The following KIAA1549L variants were observed in gnomAD, a reference collection of about 807,000 sequenced individuals.
KIAA1549L encodes the protein KIAA1549 like, also known as UPF0606 protein KIAA1549L.
In KIAA1549L, 88 loss-of-function variants were observed where a neutral mutation model predicts 160.7. That is an observed-to-expected ratio of 0.55 (90% CI 0.46 to 0.65). The LOEUF is 0.65. Among genes scored for constraint, KIAA1549L ranks in the 30% least tolerant of loss-of-function variants. The pLI is 0.00. For synonymous variants in KIAA1549L, 950 were observed against 976.7 expected, an observed-to-expected ratio of 0.97 and a Z score of 0.51; for missense variants, 2,258 against 2,437.5, an observed-to-expected ratio of 0.93 and a Z score of 1.55.
intron 1 of KIAA1549L, among the ~76,000 whole-genome samples, chr11:33,521,655 C>T (rs1853496640): frequency 6.6e-6 from 1 of 152,178 alleles, no homozygotes; most frequent in Non-Finnish European, 1.5e-5. Context: ...CACGTGGCAT[C>T]TCCTCCCAGA....
chr11:33,563,515 AAGC>A (rs1313886114), intron 8 of KIAA1549L, among the ~76,000 whole-genome samples: 2 of 152,104 alleles, frequency 1.3e-5, no homozygotes, highest in African/African-American at 4.8e-5. Context: ...GGTCCCAAGC[AAGC>A]AGCAGATGGG....
rs1852715638 is a variant in KIAA1549L, at chr11:33,673,298, G to A, written c.*5144G>A. On this transcript the variant is annotated 3_prime_UTR_variant, in exon 21 of 21. Transcript: ENST00000658780. ...TAAAAATTGATCGTTTTCATTCTCT[G>A]ACTTTGGTCAGACTTTTGCAAATTA... is the stretch of plus-strand genomic sequence containing the variant. The A allele has an allele frequency of 6.6e-6, 1 of 152,124 alleles. No homozygotes were observed. Among genetic ancestry groups the A allele is most frequent in the Non-Finnish European group, 1.5e-5 (1 of 68,024 alleles). 9.4% of individuals were successfully genotyped at this position (152,124 alleles called of 1,614,324 possible).
chr11:33,577,601 C>T (rs899378696), intron 10 of KIAA1549L, among the ~76,000 whole-genome samples: 4 of 152,128 alleles, frequency 2.6e-5, no homozygotes, highest in South Asian at 2.1e-4. Context: ...ACGCTGTCTC[C>T]GATTGTTTCT....
intron 3 of KIAA1549L, among the ~76,000 whole-genome samples, 186 bp downstream of exon 3, chr11:33,545,564 G>A (rs1362269728): frequency 6.6e-6 from 1 of 152,184 alleles, no homozygotes; most frequent in Non-Finnish European, 1.5e-5. Flanking sequence ...ACTAAAATCT[G>A]GTGGGATAGA....
At chr11:33,639,550 T>C (rs971778843) in intron 16 of KIAA1549L, among the ~76,000 whole-genome samples, 3 of 152,184 alleles carry the variant, frequency 2.0e-5, no homozygotes, top group Non-Finnish European at 4.4e-5. Flanking sequence ...ATTATTATTA[T>C]TATTTTTGAG....
intron 1 of KIAA1549L, among the ~76,000 whole-genome samples, chr11:33,441,128 T>A (rs1186089073): frequency 2.7e-5 from 4 of 147,086 alleles, no homozygotes; most frequent in African/African-American, 9.9e-5. Context: ...TGTCCATGTG[T>A]TCTCATTGTT....
chr11:33,400,201 A>G (rs1462884836), intron 1 of KIAA1549L, among the ~76,000 whole-genome samples: 4 of 152,238 alleles, frequency 2.6e-5, no homozygotes, highest in Non-Finnish European at 5.9e-5. Context: ...CAAAACATGC[A>G]TGATGTGTTA....
At chr11:33,599,901 T>A (rs1376157896) in intron 13 of KIAA1549L, among the ~76,000 whole-genome samples, 1 of 152,248 alleles carries the variant, frequency 6.6e-6, no homozygotes, top group Admixed American at 6.5e-5. Flanking sequence ...AGCACCCTGC[T>A]TAGCTGCACT....
chr11:33,665,667 T>G (rs1181203551), intron 20 of KIAA1549L: 1 of 152,352 alleles, frequency 6.6e-6, no homozygotes, highest in Non-Finnish European at 1.5e-5. Flanking sequence ...CCCCCAACCT[T>G]CAGGCCCCCC....
chr11:33,388,547 C>T (rs1036927561), intron 1 of KIAA1549L, among the ~76,000 whole-genome samples: 2 of 150,030 alleles, frequency 1.3e-5, no homozygotes, highest in African/African-American at 2.5e-5. Flanking sequence ...TATCCATAGA[C>T]GTAGCCTCAA....
At chr11:33,450,200 G>A (rs550162732) in intron 1 of KIAA1549L, among the ~76,000 whole-genome samples, 355 of 152,056 alleles carry the variant, frequency 2.3e-3, no homozygotes, top group South Asian at 4.6e-3. Flanking sequence ...CCCCTAATAC[G>A]CAGCCACTTG....
intron 15 of KIAA1549L, among the ~76,000 whole-genome samples, chr11:33,616,388 G>A (rs1850808489): frequency 6.6e-6 from 1 of 152,128 alleles, no homozygotes; most frequent in Admixed American, 6.5e-5. Flanking sequence ...GAACAACTCA[G>A]GTCAGATGCC....
chr11:33,448,523 T>A (rs1312071547), intron 1 of KIAA1549L, among the ~76,000 whole-genome samples: 2 of 152,128 alleles, frequency 1.3e-5, no homozygotes, highest in Non-Finnish European at 2.9e-5. Flanking sequence ...AGAGCCACAG[T>A]TTGGAATATT....
At chr11:33,398,787 A>G (rs1231676011) in intron 1 of KIAA1549L, among the ~76,000 whole-genome samples, 1 of 152,124 alleles carries the variant, frequency 6.6e-6, no homozygotes, top group Non-Finnish European at 1.5e-5. Context: ...TTGTAACCAT[A>G]ATTCATCACA....
At chr11:33,406,223 A>AG (rs751812454) in intron 1 of KIAA1549L, among the ~76,000 whole-genome samples, 25 of 152,348 alleles carry the variant, frequency 1.6e-4, no homozygotes, top group South Asian at 4.1e-4. Context: ...TACAGAGAAG[A>AG]GGGAAAAAAA....
At position 33,506,732 on chromosome 11, in the gene KIAA1549L, G is replaced by GAAC. The variant is rs796945214; in HGVS notation, c.239-35058_239-35056dup. Among the ~76,000 whole-genome samples, 732 of 148,762 alleles carry GAAC rather than the reference G, an allele frequency of 4.9e-3. 5 individuals are homozygous for GAAC. Among genetic ancestry groups the GAAC allele is most frequent in the African/African-American group, 0.016 (662 of 40,834 alleles). On this transcript the variant is annotated intron_variant, in intron 1 of 20. Transcript: ENST00000658780. ...CCTTGCTAAAAAAAAAAAAAAAATT[G>GAAC]AACAACAACAACAAAAAACATTCAG...
chr11:33,544,952 A>G lies in KIAA1549L; in HGVS notation c.2959A>G (p.Asn987Asp). 1 of 1,613,870 alleles carries G rather than the reference A, an allele frequency of 6.2e-7. No homozygotes were observed. Among genetic ancestry groups the G allele is most frequent in the Non-Finnish European group, 8.5e-7 (1 of 1,179,828 alleles). Residue 987 changes from asparagine to aspartate, a missense_variant, in exon 3 of 21, where the codon AAC becomes GAC. Transcript: ENST00000658780. ...GACTACTCTTGCTAAAAATGTCACA[A>G]ACAAGGCCGCATCTGGCCCAAAGAG... ...SMTTLAKNVT[N>D]KAASGPKRTP... is the part of the protein sequence containing the mutation.
At chr11:33,602,621 T>A (rs982762729) in intron 13 of KIAA1549L, among the ~76,000 whole-genome samples, 3 of 151,944 alleles carry the variant, frequency 2.0e-5, no homozygotes, top group Non-Finnish European at 4.4e-5. Flanking sequence ...AGATACAAGA[T>A]AACTATTCAG....
At chr11:33,480,373 T>C (rs1202070093) in intron 1 of KIAA1549L, among the ~76,000 whole-genome samples, 1 of 152,170 alleles carries the variant, frequency 6.6e-6, no homozygotes, top group African/African-American at 2.4e-5. Flanking sequence ...CTTCATTCCT[T>C]TTTATGGCTG....
Sources: gnomAD v4.1 joint callset for allele counts (sites outside exome capture counted in the v4.1 genomes callset) on GRCh38, gnomAD v4.1.1 for gene constraint, MANE v1.5 for transcripts, NCBI Gene and HGNC (gene_info 2026-07-23, HGNC 2026-07-21) for gene names.